The following DNAH9 variants were observed in gnomAD, a reference collection of about 807,000 sequenced individuals.
The protein encoded by DNAH9 is DNAH9 variant protein.
A neutral mutation model predicts 471.6 loss-of-function variants in DNAH9; 345 were observed. The observed-to-expected ratio is 0.73, with a 90% CI of 0.67 to 0.80. DNAH9 has a LOEUF of 0.80. DNAH9 is among the 30% of genes least tolerant of loss of function. DNAH9 has a pLI of 0.00. For missense variants in DNAH9, 5,407 were observed against 5,609.2 expected (o/e 0.96, Z 1.15); for synonymous variants, 2,093 against 2,123.6 (o/e 0.99, Z 0.40).
intron 14 of DNAH9, among the ~76,000 whole-genome samples, chr17:11,662,744 TCG>T (rs2073792031): frequency 2.2e-5 from 3 of 137,140 alleles, no homozygotes; most frequent in Non-Finnish European, 3.1e-5. Context: ...CTGTTGAGGC[TCG>T]CTTTTTTTTT....
intron 49 of DNAH9, among the ~76,000 whole-genome samples, chr17:11,844,912 G>A: frequency 6.6e-6 from 1 of 151,838 alleles, no homozygotes; most frequent in South Asian, 2.1e-4. Flanking sequence ...GCTACGTTGA[G>A]CTTTTTTTCA....
chr17:11,839,431 G>A (rs1412682837), intron 49 of DNAH9, among the ~76,000 whole-genome samples: 5 of 152,018 alleles, frequency 3.3e-5, no homozygotes, highest in Middle Eastern at 3.4e-3. Flanking sequence ...CAGAGGAATG[G>A]CATGAACCCC....
chr17:11,943,754 C>T (rs1045528132), intron 67 of DNAH9, among the ~76,000 whole-genome samples: 19 of 152,190 alleles, frequency 1.2e-4, no homozygotes, highest in East Asian at 3.9e-4. Context: ...CTTCCTCCAC[C>T]GCACCTCAAC....
chr17:11,760,329 C>G (rs1967609447), intron 35 of DNAH9, among the ~76,000 whole-genome samples: 1 of 152,124 alleles, frequency 6.6e-6, no homozygotes, highest in Non-Finnish European at 1.5e-5. Flanking sequence ...ATTTCTCACT[C>G]TGGGCATTTA....
At position 11,883,589 on chromosome 17, in the gene DNAH9, G is replaced by A. The variant is rs191812706; in HGVS notation, c.10810G>A (p.Asp3604Asn). The change falls in exon 56 of 69, where the codon GAT becomes AAT. Residue 3604 changes from aspartate to asparagine, a missense_variant. Transcript: ENST00000262442. The stretch of plus-strand genomic sequence containing the variant: ...GTCTCTTGCTTGATATTTGCAGTCC[G>A]ATCTCACAAAGCAGCAGAATGGATT... The part of the protein sequence containing the change: ...ERPDLEQLKS[D>N]LTKQQNGFKI... 23 of 1,613,918 alleles carry A rather than the reference G, an allele frequency of 1.4e-5. No individual in the cohort carries two copies. Among genetic ancestry groups the A allele is most frequent in the Middle Eastern group, 1.7e-4 (1 of 6,054 alleles).
chr17:11,700,190 T>C (rs1381765854), intron 23 of DNAH9, among the ~76,000 whole-genome samples: 1 of 152,148 alleles, frequency 6.6e-6, no homozygotes, highest in African/African-American at 2.4e-5. Context: ...TTAAAATGAT[T>C]AGCGGCACCA....
At chr17:11,772,303 G>A (rs1375470947) in intron 38 of DNAH9, among the ~76,000 whole-genome samples, 1 of 151,860 alleles carries the variant, frequency 6.6e-6, no homozygotes, top group Non-Finnish European at 1.5e-5. Context: ...TTCTATTAAA[G>A]TGGTTTTATA....
intron 50 of DNAH9, among the ~76,000 whole-genome samples, chr17:11,858,662 G>A (rs1313288152): frequency 6.6e-6 from 1 of 152,122 alleles, no homozygotes; most frequent in Non-Finnish European, 1.5e-5. Flanking sequence ...ATTTTTTGAT[G>A]TATCTTATTG....
intron 53 of DNAH9, among the ~76,000 whole-genome samples, chr17:11,876,827 G>T (rs370937138): frequency 3.3e-5 from 5 of 152,078 alleles, no homozygotes; most frequent in Non-Finnish European, 1.5e-5. Flanking sequence ...TCAAGCAAGC[G>T]ATTCTCCTGG....
At chr17:11,843,019 AAAT>A (rs146535304) in intron 49 of DNAH9, among the ~76,000 whole-genome samples, 39,355 of 152,046 alleles carry the variant, frequency 0.26, 6,554 homozygotes, top group Non-Finnish European at 0.38. Context: ...AGTAGGAATA[AAAT>A]AATATTTGGC....
chr17:11,828,131 C>T (rs369695905), intron 48 of DNAH9, among the ~76,000 whole-genome samples: 3 of 152,148 alleles, frequency 2.0e-5, no homozygotes, highest in Non-Finnish European at 4.4e-5. Context: ...TCTACTCTTG[C>T]CCCTCTGTAG....
intron 17 of DNAH9, among the ~76,000 whole-genome samples, chr17:11,672,601 T>G (rs1450915419): frequency 6.6e-6 from 1 of 152,202 alleles, no homozygotes; most frequent in East Asian, 1.9e-4. Flanking sequence ...TGCTCACCAG[T>G]GCAGATCTTA....
chr17:11,956,154 AAATAT>A (rs573153003), intron 67 of DNAH9, among the ~76,000 whole-genome samples: 109 of 152,332 alleles, frequency 7.2e-4, no homozygotes, highest in African/African-American at 2.1e-3. Context: ...AGATGAGAAA[AAATAT>A]AATATAAAAA....
At chr17:11,675,857 C>T (rs2074040506) in intron 17 of DNAH9, among the ~76,000 whole-genome samples, 1 of 151,888 alleles carries the variant, frequency 6.6e-6, no homozygotes, top group Non-Finnish European at 1.5e-5. Flanking sequence ...ATTACTGCAC[C>T]TGTTTGTGAT....
chr17:11,853,905 C>A, intron 49 of DNAH9, 98 bp from the exon 50 acceptor site: 1 of 1,169,830 alleles, frequency 8.5e-7, no homozygotes, highest in Non-Finnish European at 1.2e-6. Context: ...TCAAAGCAGC[C>A]CTTTCAAACC....
At chr17:11,785,251 A>C (rs1968821295) in intron 41 of DNAH9, among the ~76,000 whole-genome samples, 1 of 152,072 alleles carries the variant, frequency 6.6e-6, no homozygotes, top group East Asian at 1.9e-4. Context: ...ATTCTGGACA[A>C]GAATCTGCAG....
At chr17:11,900,902 T>C (rs553941118) in intron 59 of DNAH9, among the ~76,000 whole-genome samples, 1 of 152,122 alleles carries the variant, frequency 6.6e-6, no homozygotes, top group East Asian at 1.9e-4. Flanking sequence ...AAGTGAGTGA[T>C]GTTGATGTGG....
intron 21 of DNAH9, 78 bp from the exon 22 acceptor site, chr17:11,694,243 A>G (rs2074388596): frequency 6.1e-6 from 9 of 1,478,140 alleles, no homozygotes; most frequent in East Asian, 2.3e-5. Flanking sequence ...TATTGCATAT[A>G]CATACATTTA....
At chr17:11,804,964 G>T (rs1306300626) in intron 43 of DNAH9, among the ~76,000 whole-genome samples, 1 of 151,768 alleles carries the variant, frequency 6.6e-6, no homozygotes, top group Admixed American at 6.6e-5. Context: ...TGAAGCAGGA[G>T]AATTCCTTGA....
Sources: allele counts gnomAD v4.1 joint callset (sites outside exome capture counted in the v4.1 genomes callset), GRCh38; gene constraint gnomAD v4.1.1; transcripts MANE v1.5; gene names NCBI Gene and HGNC (gene_info 2026-07-23, HGNC 2026-07-21).